DPYD: variants seen among roughly 807,000 people sequenced by gnomAD.
The protein encoded by DPYD is dihydropyrimidine dehydrogenase [NADP(+)].
In DPYD, 109 loss-of-function variants were observed where a neutral mutation model predicts 116.2. The ratio of observed to expected loss-of-function variants is 0.94; its 90% CI spans 0.80 to 1.10. The LOEUF (loss-of-function observed/expected upper bound fraction) is 1.10, where lower values mean the gene tolerates loss of function less well. Among genes scored for constraint, DPYD ranks in the 50% least tolerant of loss-of-function variants. The pLI, the probability that DPYD is intolerant of heterozygous loss-of-function variation, is 0.00. For synonymous variants in DPYD, 440 were observed against 432.0 expected (o/e 1.02, Z -0.23); for missense variants, 1,302 against 1,254.5 (o/e 1.04, Z -0.57).
At chr1:97,770,043 A>G (rs752358199) in intron 3 of DPYD, among the ~76,000 whole-genome samples, 17 of 152,216 alleles carry the variant, frequency 1.1e-4, no homozygotes, top group Admixed American at 8.5e-4. Flanking sequence ...AAGCCATTCA[A>G]TGAAAGATCT....
chr1:97,121,690 G>A (rs1028412394), intron 20 of DPYD, among the ~76,000 whole-genome samples: 50 of 152,130 alleles, frequency 3.3e-4, no homozygotes, highest in African/African-American at 1.2e-3. Context: ...ACGGGAGAAG[G>A]AGCCAAACTC....
In DPYD at chr1:97,234,908, T is replaced by C; in HGVS notation, c.2386A>G (p.Ile796Val). Residue 796 changes from isoleucine (I) to valine (V), a missense_variant, in exon 19 of 23, where the codon ATT becomes GTT. Transcript: ENST00000370192. ...TGAAGACCACTTTCAGCAGAGTCAA[T>C]TCCACCAGTAGCCAAAATGGGAAAT... is the stretch of plus-strand genomic sequence containing the variant. ...PGFPILATGGIDSAESGLQFL... is the reference protein window; with the variant it reads ...PGFPILATGGVDSAESGLQFL... 1.2e-6 allele frequency: 2 copies of C among 1,614,046 alleles called. No individual in the cohort carries two copies. The highest frequency in any genetic ancestry group is 1.7e-6 in the Non-Finnish European group (2 of 1,179,976).
At chr1:97,234,475 T>C (rs900652993) in intron 19 of DPYD, among the ~76,000 whole-genome samples, 10 of 152,322 alleles carry the variant, frequency 6.6e-5, no homozygotes, top group African/African-American at 2.2e-4. Context: ...AATTTGGTAA[T>C]GACATAGATT....
chr1:97,679,234 A>C, intron 7 of DPYD, 52 bp from the exon 8 acceptor site: 1 of 947,836 alleles, frequency 1.1e-6, no homozygotes. Context: ...ATTAATTAAA[A>C]TCTTAATATT....
At chr1:97,379,192 C>A (rs763470782) in intron 15 of DPYD, among the ~76,000 whole-genome samples, 1 of 151,914 alleles carries the variant, frequency 6.6e-6, no homozygotes, top group African/African-American at 2.4e-5. Flanking sequence ...GAGTTGGGAA[C>A]GTGTTGGAGG....
intron 20 of DPYD, among the ~76,000 whole-genome samples, chr1:97,161,679 T>C: frequency 6.7e-6 from 1 of 148,686 alleles, no homozygotes; most frequent in South Asian, 2.2e-4. Context: ...CATTAACTTG[T>C]CATTTAGCAT....
intron 18 of DPYD, among the ~76,000 whole-genome samples, chr1:97,240,269 A>G (rs930859720): frequency 8.6e-5 from 13 of 151,870 alleles, no homozygotes; most frequent in African/African-American, 3.1e-4. Context: ...CAAAATGTCC[A>G]TGGATTTTAA....
chr1:97,377,964 C>G lies in DPYD; in HGVS notation c.1975-4320G>C, dbSNP rs1671734881. On this transcript the variant is annotated intron_variant, in intron 15 of 22. Coordinates refer to ENST00000370192, the MANE Select transcript of DPYD (RefSeq NM_000110.4). The stretch of plus-strand genomic sequence containing the variant: ...CATCAGAGCTCAAGTAGGGTGAGAA[C>G]AGTGTACTGTACTGGGGCATGAAAG... Among the ~76,000 whole-genome samples, 7 of 152,208 alleles carry G rather than the reference C, an allele frequency of 4.6e-5. No homozygotes were observed. The South Asian group carries it at 1.4e-3, about 32-fold the overall frequency.
At chr1:97,234,783 T>G (rs1227807873) in intron 19 of DPYD, 69 bp downstream of exon 19, 10 of 1,591,898 alleles carry the variant, frequency 6.3e-6, no homozygotes, top group Non-Finnish European at 7.7e-6. Context: ...ATTTTTTTTT[T>G]GTCACATAAC....
At chr1:97,601,492 A>G (rs575053230) in intron 8 of DPYD, among the ~76,000 whole-genome samples, 5 of 152,038 alleles carry the variant, frequency 3.3e-5, no homozygotes, top group African/African-American at 1.2e-4. Flanking sequence ...TTATATATGT[A>G]TTAGAGAAGA....
intron 6 of DPYD, among the ~76,000 whole-genome samples, chr1:97,697,318 T>C (rs1661364122): frequency 6.6e-6 from 1 of 151,752 alleles, no homozygotes; most frequent in Admixed American, 6.6e-5. Flanking sequence ...TCTGTTTGGA[T>C]GCAAAGGAGA....
intron 2 of DPYD, among the ~76,000 whole-genome samples, chr1:97,828,670 T>C (rs1178885924): frequency 7.2e-6 from 1 of 139,090 alleles, no homozygotes; most frequent in Non-Finnish European, 1.6e-5. Flanking sequence ...AGCACAGATA[T>C]AATAATAAAA....
rs115594381 is a variant in DPYD, at chr1:97,557,626, C to T, written c.1340-7882G>A. ...CCATCGCATCTGGTCCCATTCCCTTCTTCAAAACTAAAAATAGAGCTTACA... is the reference window on the plus strand; with the variant it reads ...CCATCGCATCTGGTCCCATTCCCTTTTTCAAAACTAAAAATAGAGCTTACA... On this transcript the variant is annotated intron_variant, in intron 11 of 22. Coordinates refer to ENST00000370192, the MANE Select transcript of DPYD (RefSeq NM_000110.4). Among the ~76,000 whole-genome samples, 1,051 of 152,172 alleles carry T rather than the reference C, an allele frequency of 6.9e-3. 13 individuals are homozygous for T. Among genetic ancestry groups the T allele is most frequent in the African/African-American group, 0.024 (1,002 of 41,540 alleles).
intron 3 of DPYD, among the ~76,000 whole-genome samples, chr1:97,788,131 G>A (rs552345593): frequency 1.3e-5 from 2 of 152,262 alleles, no homozygotes; most frequent in African/African-American, 4.8e-5. Context: ...TGTGCAGGAC[G>A]TGGGGCAGCT....
At chr1:97,147,995 G>A (rs936542719) in intron 20 of DPYD, among the ~76,000 whole-genome samples, 1 of 152,066 alleles carries the variant, frequency 6.6e-6, no homozygotes, top group Admixed American at 6.6e-5. Context: ...GTTTGAGAAG[G>A]GAGATAAGTG....
intron 15 of DPYD, among the ~76,000 whole-genome samples, chr1:97,373,943 A>G (rs546362897): frequency 3.3e-4 from 51 of 152,304 alleles, no homozygotes; most frequent in Admixed American, 1.6e-3. Flanking sequence ...TTATGCTACC[A>G]AGTTTACAGG....
chr1:97,697,751 C>T lies in DPYD; in HGVS notation c.680+1600G>A, dbSNP rs550787574. Among the ~76,000 whole-genome samples the T allele has an allele frequency of 4.4e-4, 67 of 152,024 alleles. 1 individual carries two copies. The South Asian group carries it at 0.013, about 29-fold the overall frequency. ...ACTAATTTATATGAATTACAAATGCCTATCCTGCATTTGAGTTAAAAAAGA... is the reference window on the plus strand; with the variant it reads ...ACTAATTTATATGAATTACAAATGCTTATCCTGCATTTGAGTTAAAAAAGA... On this transcript the variant is annotated intron_variant, in intron 6 of 22. Coordinates refer to ENST00000370192, the MANE Select transcript of DPYD (RefSeq NM_000110.4).
intron 3 of DPYD, among the ~76,000 whole-genome samples, chr1:97,802,544 T>C (rs1256973227): frequency 1.3e-5 from 2 of 151,804 alleles, no homozygotes; most frequent in African/African-American, 4.8e-5. Flanking sequence ...AAGCACAATT[T>C]TCCTTTTGGG....
chr1:97,751,401 C>T (rs1489453005), intron 3 of DPYD, among the ~76,000 whole-genome samples: 59 of 98,602 alleles, frequency 6.0e-4, no homozygotes, highest in African/African-American at 1.7e-3. Flanking sequence ...TGTATATATA[C>T]ATATATACGT....
Sources: allele counts gnomAD v4.1 joint callset (sites outside exome capture counted in the v4.1 genomes callset), GRCh38; gene constraint gnomAD v4.1.1; transcripts MANE v1.5; gene names NCBI Gene and HGNC (gene_info 2026-07-23, HGNC 2026-07-21).